The following ABR variants were observed in gnomAD, a reference collection of about 807,000 sequenced individuals.
ABR encodes ABR activator of RhoGEF and GTPase.
In ABR, 35 loss-of-function variants were observed where a neutral mutation model predicts 107.2. That is an observed-to-expected ratio of 0.33 (90% CI 0.25 to 0.43). The LOEUF is 0.43. ABR is among the 20% of genes least tolerant of loss of function. The pLI, the probability that ABR is intolerant of heterozygous loss-of-function variation, is 1.00. For missense variants in ABR, 815 were observed against 1,115.2 expected (o/e 0.73, Z 3.83); for synonymous variants, 498 against 462.0 (o/e 1.08, Z -1.00).
Position 1,050,666 on chromosome 17 carries a change from TGAGTGGGGCCA to T in ABR, c.1562-43_1562-33del, listed in dbSNP as rs2032373757. 1 of 1,588,508 alleles carries T rather than the reference TGAGTGGGGCCA, an allele frequency of 6.3e-7. No homozygotes were observed. The highest frequency in any genetic ancestry group is 8.6e-7 in the Non-Finnish European group (1 of 1,157,592). ...GGGAAGGACAGACGGAGATACTGAG[TGAGTGGGGCCA>T]GGGTGGGGCAGCTGGGGCGGCACTC... On this transcript the variant is annotated intron_variant, in intron 14 of 22. Coordinates refer to ENST00000302538, the MANE Select transcript of ABR (RefSeq NM_021962.5). The surrounding 1 kb of genome is among the most constrained non-coding windows in gnomAD (Gnocchi z 4.6).
intron 2 of ABR, among the ~76,000 whole-genome samples, chr17:1,105,418 C>T (rs1389578263): frequency 6.6e-6 from 1 of 151,440 alleles, no homozygotes; most frequent in Non-Finnish European, 1.5e-5. Context: ...CATTAAAATG[C>T]AAAATATAGA....
At chr17:1,133,714 G>A (rs73975644) in intron 1 of ABR, among the ~76,000 whole-genome samples, 6,267 of 152,136 alleles carry the variant, frequency 0.041, 414 homozygotes, top group African/African-American at 0.14. Flanking sequence ...GCAGACACCC[G>A]ACACCCGTCT....
intron 1 of ABR, among the ~76,000 whole-genome samples, chr17:1,130,953 C>T (rs545866369): frequency 3.3e-5 from 5 of 152,356 alleles, no homozygotes; most frequent in South Asian, 2.1e-4. Context: ...GCGAGAGCAT[C>T]GATTTCTGCT....
At chr17:1,159,005 T>C (rs2041153763) in intron 1 of ABR, among the ~76,000 whole-genome samples, 2 of 152,242 alleles carry the variant, frequency 1.3e-5, no homozygotes, top group South Asian at 4.1e-4. Flanking sequence ...GAGCAGAGAC[T>C]CTTCATGCTT....
chr17:1,064,859 C>G (rs1263738570), intron 10 of ABR, among the ~76,000 whole-genome samples: 1 of 127,712 alleles, frequency 7.8e-6, no homozygotes, highest in Non-Finnish European at 1.7e-5. Context: ...GAACTGAGGG[C>G]TATGCATGTT....
chr17:1,161,161 CT>C (rs796127776), intron 1 of ABR, among the ~76,000 whole-genome samples: 71 of 142,376 alleles, frequency 5.0e-4, no homozygotes, highest in African/African-American at 1.0e-3. Context: ...CAAGTCCAGT[CT>C]TTTTTTTTTT....
intron 8 of ABR, among the ~76,000 whole-genome samples, chr17:1,072,133 A>C (rs11650063): frequency 0.11 from 17,042 of 152,054 alleles, 1,194 homozygotes; most frequent in Non-Finnish European, 0.16. Context: ...CAAACTTCTA[A>C]CTCAAGTGAT....
intron 1 of ABR, among the ~76,000 whole-genome samples, chr17:1,153,440 T>TA (rs2040888836): frequency 2.2e-5 from 3 of 137,716 alleles, no homozygotes. Flanking sequence ...GCGGGAGGGC[T>TA]GGGGGTCCAG....
intron 1 of ABR, among the ~76,000 whole-genome samples, chr17:1,202,522 T>C (rs2042689779): frequency 6.6e-6 from 1 of 152,160 alleles, no homozygotes; most frequent in African/African-American, 2.4e-5. Context: ...CATGATGAAG[T>C]TGCATTCAGA....
Position 1,150,990 on chromosome 17 carries a change from C to G in ABR, c.62-25623G>C, listed in dbSNP as rs2040770669. Among the ~76,000 whole-genome samples the G allele has an allele frequency of 6.6e-6, 1 of 152,136 alleles. No individual in the cohort carries two copies. Among genetic ancestry groups the G allele is most frequent in the Non-Finnish European group, 1.5e-5 (1 of 68,034 alleles). Reference sequence around the variant, plus strand: ...TCTTTCTAAAAGGTAAGAATGGAGGCAGGAGAACATTTGATTCAGAGCTCA... The same window carrying G: ...TCTTTCTAAAAGGTAAGAATGGAGGGAGGAGAACATTTGATTCAGAGCTCA... On this transcript the variant is annotated intron_variant, in intron 1 of 22. Coordinates refer to ENST00000302538, the MANE Select transcript of ABR (RefSeq NM_021962.5). The surrounding 1 kb of genome is among the most constrained non-coding windows in gnomAD (Gnocchi z 4.8).
At chr17:1,024,049 A>AAAAAAAAAAAAAAG (rs2071963289) in intron 16 of ABR, among the ~76,000 whole-genome samples, 3 of 140,532 alleles carry the variant, frequency 2.1e-5, no homozygotes, top group Admixed American at 7.1e-5. Context: ...AAAAAAAAAA[A>AAAAAAAAAAAAAAG]GCAGCATCAA....
At chr17:1,021,540 T>G (rs964106419) in intron 16 of ABR, among the ~76,000 whole-genome samples, 4 of 152,256 alleles carry the variant, frequency 2.6e-5, no homozygotes, top group Non-Finnish European at 5.9e-5. Context: ...GTGCGGTGGC[T>G]CACGCCTGTC....
chr17:1,076,001 C>T (rs1017552170), intron 6 of ABR, among the ~76,000 whole-genome samples: 5 of 152,170 alleles, frequency 3.3e-5, no homozygotes, highest in African/African-American at 1.2e-4. Flanking sequence ...GAGATTGCGC[C>T]ATTGCACTCC....
chr17:1,153,534 CCCAGGCACACCTGCGGGAGGGCTGGGGGT>C (rs2040899936), intron 1 of ABR, among the ~76,000 whole-genome samples: 3 of 58,856 alleles, frequency 5.1e-5, no homozygotes, highest in African/African-American at 1.6e-4. Flanking sequence ...GGGCTGGGGA[CCCAGGCACACCTGCGGGAGGGCTGGGGGT>C]CCAGGCACAC....
chr17:1,013,891 TTC>T (rs1268979082), intron 16 of ABR, among the ~76,000 whole-genome samples: 1 of 152,176 alleles, frequency 6.6e-6, no homozygotes, highest in Non-Finnish European at 1.5e-5. Context: ...CTGTTCCACG[TTC>T]TGTTTCTGTA....
intron 3 of ABR, among the ~76,000 whole-genome samples, chr17:1,097,763 T>C (rs904478054): frequency 6.6e-6 from 1 of 152,174 alleles, no homozygotes; most frequent in Non-Finnish European, 1.5e-5. Flanking sequence ...CTAGATCCTC[T>C]GTCTGAACTC....
intron 4 of ABR, among the ~76,000 whole-genome samples, chr17:1,087,440 G>A (rs887903955): frequency 5.3e-5 from 8 of 152,190 alleles, no homozygotes; most frequent in Non-Finnish European, 8.8e-5. Flanking sequence ...CCAGAGGGGA[G>A]CGCGAGTGGG....
chr17:1,151,162 G>T (rs2040778954), intron 1 of ABR, among the ~76,000 whole-genome samples: 1 of 152,108 alleles, frequency 6.6e-6, no homozygotes, highest in African/African-American at 2.4e-5. Flanking sequence ...CAGGGTTTCT[G>T]TGAGGATGAA....
At chr17:1,105,661 C>T (rs2038198743) in intron 2 of ABR, among the ~76,000 whole-genome samples, 6 of 152,070 alleles carry the variant, frequency 3.9e-5, no homozygotes, top group Admixed American at 3.3e-4. Context: ...ATTGCTTGAG[C>T]CCAGGAGTTA....
Sources: gnomAD v4.1 joint callset for allele counts (sites outside exome capture counted in the v4.1 genomes callset) on GRCh38, gnomAD v4.1.1 for gene constraint, Gnocchi (gnomAD v3.1) non-coding constraint, MANE v1.5 for transcripts, NCBI Gene and HGNC (gene_info 2026-07-23, HGNC 2026-07-21) for gene names.